The following FMO1 variants were observed in gnomAD, a reference collection of about 807,000 sequenced individuals.
FMO1 encodes flavin-containing monooxygenase 1.
FMO1 carries 36 observed loss-of-function variants against 45.4 expected under a neutral mutation model. That is an observed-to-expected ratio of 0.79 (90% CI 0.61 to 1.05). The LOEUF (loss-of-function observed/expected upper bound fraction) is 1.05. Among genes scored for constraint, FMO1 ranks in the 50% least tolerant of loss-of-function variants. FMO1 has a pLI of 0.00. For synonymous variants in FMO1, 228 were observed against 227.2 expected (o/e 1.00, Z -0.03); for missense variants, 615 against 640.3 (o/e 0.96, Z 0.43).
chr1:171,284,789 T>TAA (rs1661551703), intron 8 of FMO1, among the ~76,000 whole-genome samples: 1 of 151,566 alleles, frequency 6.6e-6, no homozygotes, highest in Non-Finnish European at 1.5e-5. Context: ...ATTAATTAAT[T>TAA]AAAGCCTAAT....
chr1:171,271,086 A>G, intron 3 of FMO1: 2 of 925,654 alleles, frequency 2.2e-6, no homozygotes, highest in Non-Finnish European at 3.5e-6. Context: ...TTGCTGCATC[A>G]GGCTTCCCTT....
chr1:171,266,156 T>C (rs1196599583), intron 2 of FMO1, among the ~76,000 whole-genome samples: 2 of 152,140 alleles, frequency 1.3e-5, no homozygotes, highest in Non-Finnish European at 2.9e-5. Flanking sequence ...GATAATACAG[T>C]CCTATGGCAT....
At chr1:171,282,501 C>T in intron 7 of FMO1, 168 bp downstream of exon 7, 1 of 541,862 alleles carries the variant, frequency 1.8e-6, no homozygotes, top group South Asian at 3.5e-5. Context: ...TGATTTGTTC[C>T]ATTACTGCAT....
At chr1:171,274,691 C>T (rs1571351963) in intron 3 of FMO1, among the ~76,000 whole-genome samples, 1 of 152,122 alleles carries the variant, frequency 6.6e-6, no homozygotes, top group South Asian at 2.1e-4. Context: ...TAGCAAGCCA[C>T]TTGGTGAGTG....
At chr1:171,285,181 C>G in intron 8 of FMO1, 21 bp from the exon 9 acceptor site, 1 of 1,487,306 alleles carries the variant, frequency 6.7e-7, no homozygotes, top group Non-Finnish European at 9.1e-7. Context: ...CACCTTTTCC[C>G]CCAATCTTCC....
chr1:171,259,806 C>T lies in FMO1; in HGVS notation c.132+1587C>T, dbSNP rs558179576. ...GTCTGGATCCAGCTGGGCCCATTTC[C>T]AGCTGTGTGATGCAGGTAGGTCAAA... is the stretch of plus-strand genomic sequence containing the variant. On this transcript the variant is annotated intron_variant, in intron 2 of 8. Coordinates refer to ENST00000617670, the MANE Select transcript of FMO1 (RefSeq NM_001282693.2). Among the ~76,000 whole-genome samples, 16 of 152,290 alleles carry T rather than the reference C, an allele frequency of 1.1e-4. 1 individual carries two copies. The highest frequency in any genetic ancestry group is 3.9e-4 in the African/African-American group (16 of 41,548).
rs1214570677 is a variant in FMO1, at chr1:171,248,524, C to T, written c.-106C>T. 1 of 152,190 alleles carries T rather than the reference C, an allele frequency of 6.6e-6. No individual in the cohort carries two copies. Among genetic ancestry groups the T allele is most frequent in the Non-Finnish European group, 1.5e-5 (1 of 68,040 alleles). 9.4% of individuals were successfully genotyped at this position (152,190 alleles called of 1,614,324 possible). On this transcript the variant is annotated 5_prime_UTR_variant, in exon 1 of 9. Transcript: ENST00000617670. ...AGGTTTATCCACTGTGCTGGGGACT[C>T]CCAAGCCAGCACTGGCTCATACTGA...
At chr1:171,282,912 T>C (rs949253908) in intron 7 of FMO1, 15 of 410,650 alleles carry the variant, frequency 3.7e-5, no homozygotes, top group Non-Finnish European at 4.4e-5. Context: ...TGTGAGATTC[T>C]GCTATATCAA....
At position 171,267,651 on chromosome 1, in the gene FMO1, T is replaced by A. The variant is rs780384679; in HGVS notation, c.241T>A (p.Tyr81Asn). Residue 81 changes from tyrosine to asparagine, a missense_variant, in exon 3 of 9, where the codon TAT becomes AAT. By Grantham distance (143) the Tyr-to-Asn change is moderately radical. Transcript: ENST00000617670. ...TCCATTCCCAGAAGATTATCCAAAC[T>A]ATGTGCCAAATTCTCAATTCCTGGA... The part of the protein sequence containing the change: ...DFPFPEDYPN[Y>N]VPNSQFLEYL... The A allele has an allele frequency of 1.4e-5, 22 of 1,613,964 alleles. No individual in the cohort carries two copies. Among genetic ancestry groups the A allele is most frequent in the Non-Finnish European group, 1.8e-5 (21 of 1,179,930 alleles).
rs200210209 is a variant in FMO1 at position 171,267,550 on chromosome 1, T to C, written c.140T>C (p.Val47Ala). The change falls in exon 3 of 9, where the codon GTT (valine) becomes GCT (alanine). Residue 47 changes from valine to alanine, a missense_variant. Coordinates refer to ENST00000617670, the MANE Select transcript of FMO1 (RefSeq NM_001282693.2). ...TGTGCACTGTTTGTACAGGAACATG[T>C]TGAAGAAGGCAGAGCCAGTCTCTAC... ...LGGLWRFTEH[V>A]EEGRASLYKS... The C allele has an allele frequency of 5.0e-6, 8 of 1,600,620 alleles. No individual in the cohort carries two copies. The highest frequency in any genetic ancestry group is 1.7e-4 in the Middle Eastern group (1 of 5,972).
chr1:171,275,568 T>C lies in FMO1; in HGVS notation c.484+60T>C, dbSNP rs190489817. On this transcript the variant is annotated intron_variant, in intron 4 of 8. Coordinates refer to ENST00000617670, the MANE Select transcript of FMO1 (RefSeq NM_001282693.2). ...TCGTGGGAGCCATTCTGATGCTTGA[T>C]TGGTCTGGGAATGAATTCCTATGGC... 54 of 1,274,510 alleles carry C rather than the reference T, an allele frequency of 4.2e-5. No homozygotes were observed. The Admixed American group carries it at 8.4e-4, about 20-fold the overall frequency. The allele number at this position is 1,274,510 out of a possible 1,614,324, so 79.0% of individuals were successfully genotyped here. A position where few individuals can be genotyped will look rare whatever the true frequency, so the allele number is the denominator to read the frequency against.
Position 171,258,195 on chromosome 1 carries a change from C to T in FMO1, c.108C>T (p.Asp36=), listed in dbSNP as rs1660243042. Residue 36 remains aspartate, a synonymous_variant, in exon 2 of 9, where the codon GAC becomes GAT. Transcript: ENST00000617670. The stretch of plus-strand genomic sequence containing the variant: ...CCACCTGCTTTGAGAGGAGCGATGA[C>T]CTTGGGGGGCTGTGGAGATTCACCG... ...LEPTCFERSD[D]LGGLWRFTEH... is the part of the protein sequence containing the mutation. 1 of 1,613,992 alleles carries T rather than the reference C, an allele frequency of 6.2e-7. No individual in the cohort carries two copies. The highest frequency in any genetic ancestry group is 1.3e-5 in the African/African-American group (1 of 74,918).
chr1:171,255,038 A>G (rs1277805323), intron 1 of FMO1, among the ~76,000 whole-genome samples: 2 of 152,230 alleles, frequency 1.3e-5, no homozygotes, highest in African/African-American at 4.8e-5. Context: ...GGGCTTAGCA[A>G]TATAGAAACC....
At chr1:171,252,046 C>T (rs1361073012) in intron 1 of FMO1, among the ~76,000 whole-genome samples, 2 of 152,144 alleles carry the variant, frequency 1.3e-5, no homozygotes, top group Non-Finnish European at 2.9e-5. Flanking sequence ...AAATTGTTAT[C>T]AATCACTCTG....
intron 1 of FMO1, among the ~76,000 whole-genome samples, chr1:171,249,137 A>G (rs879269116): frequency 1.3e-5 from 2 of 151,934 alleles, no homozygotes; most frequent in Non-Finnish European, 2.9e-5. Flanking sequence ...TTCTGTTGTT[A>G]AAAGTGTTTC....
intron 1 of FMO1, among the ~76,000 whole-genome samples, chr1:171,248,876 T>C (rs572290440): frequency 6.6e-6 from 1 of 151,302 alleles, no homozygotes; most frequent in East Asian, 2.0e-4. Context: ...TTACCTGTCT[T>C]CCATGTACAC....
intron 5 of FMO1, 74 bp downstream of exon 5, chr1:171,278,945 A>ATT: frequency 7.6e-6 from 9 of 1,181,824 alleles, no homozygotes; most frequent in Non-Finnish European, 1.0e-5. Flanking sequence ...GTTTGACACC[A>ATT]TGATAAATGT....
intron 4 of FMO1, among the ~76,000 whole-genome samples, chr1:171,277,873 A>C (rs938040761): frequency 9.9e-5 from 15 of 152,132 alleles, no homozygotes; most frequent in African/African-American, 2.9e-4. Context: ...AAGTATATAC[A>C]TTTTTCCCCT....
At chr1:171,260,051 G>A (rs372754073) in intron 2 of FMO1, among the ~76,000 whole-genome samples, 1 of 152,312 alleles carries the variant, frequency 6.6e-6, no homozygotes, top group East Asian at 1.9e-4. Flanking sequence ...ATTTCAACAG[G>A]TAGACAAGAT....
Sources: gnomAD v4.1 joint callset for allele counts (sites outside exome capture counted in the v4.1 genomes callset) on GRCh38, gnomAD v4.1.1 for gene constraint, MANE v1.5 for transcripts, NCBI Gene and HGNC (gene_info 2026-07-23, HGNC 2026-07-21) for gene names.